SQOR: variants seen among roughly 807,000 people sequenced by gnomAD.
The protein encoded by SQOR is sulfide quinone oxidoreductase, also known as sulfide:quinone oxidoreductase, mitochondrial.
Under a neutral mutation model 48.6 loss-of-function variants are expected in SQOR, and 39 were observed. The observed-to-expected ratio is 0.80, with a 90% CI of 0.62 to 1.05. SQOR has a LOEUF of 1.05. SQOR is among the 50% of genes least tolerant of loss of function. SQOR has a pLI of 0.00. For synonymous variants in SQOR, 220 were observed against 206.2 expected (o/e 1.07, Z -0.57); for missense variants, 561 against 559.9 (o/e 1.00, Z -0.02).
Position 45,688,340 on chromosome 15 carries a change from C to A in SQOR, c.1052C>A (p.Ala351Asp). 1 of 1,601,278 alleles carries A rather than the reference C, an allele frequency of 6.2e-7. No individual in the cohort carries two copies. The change falls in exon 8 of 10, where the codon GCC becomes GAC. Residue 351 changes from alanine (A) to aspartate (D), a missense_variant. Physicochemically the swap from Ala to Asp is moderately radical, Grantham distance 126. Coordinates refer to ENST00000260324, the MANE Select transcript of SQOR (RefSeq NM_021199.4). ...PTSKTAAAVA[A>D]QSGILDRTIS... is the part of the protein sequence containing the mutation. ...GACTTTCCCATTTCTCTTATAGCTGCCCAGTCAGGAATACTTGATAGGACA... is the reference window on the plus strand; with the variant it reads ...GACTTTCCCATTTCTCTTATAGCTGACCAGTCAGGAATACTTGATAGGACA...
Position 45,689,066 on chromosome 15 carries a change from G to C in SQOR, c.1144G>C (p.Val382Leu). Reference sequence around the variant, plus strand: ...TGATGGCTACACATCATGTCCACTGGTGACCGGCTACAACCGTGTGATTCT... The same window carrying C: ...TGATGGCTACACATCATGTCCACTGCTGACCGGCTACAACCGTGTGATTCT... ...KYDGYTSCPL[V>L]TGYNRVILAE... Residue 382 changes from valine to leucine, a missense_variant, in exon 9 of 10, where the codon GTG (valine) becomes CTG (leucine). Val to Leu is a conservative substitution (Grantham distance 32). Transcript: ENST00000260324. The C allele has an allele frequency of 6.2e-7, 1 of 1,614,090 alleles. No individual in the cohort carries two copies. The highest frequency in any genetic ancestry group is 1.1e-5 in the South Asian group (1 of 91,074).
chr15:45,645,937 T>TA (rs1156441731), intron 1 of SQOR: 25 of 152,346 alleles, frequency 1.6e-4, no homozygotes, highest in African/African-American at 5.8e-4. Context: ...CAAGCATTGC[T>TA]ATGTTTGTAT....
chr15:45,632,343 C>T (rs1894912399), upstream of SQOR, among the ~76,000 whole-genome samples: 1 of 151,982 alleles, frequency 6.6e-6, no homozygotes, highest in Admixed American at 6.6e-5. Flanking sequence ...CCTCAGCCTC[C>T]CGAGTAGCTG....
intron 7 of SQOR, 87 bp from the exon 8 acceptor site, chr15:45,688,250 C>G: frequency 1.1e-6 from 1 of 910,920 alleles, no homozygotes; most frequent in Non-Finnish European, 1.7e-6. Context: ...ATGGAATCTT[C>G]TTGTTTACAT....
chr15:45,670,969 C>T (rs1889930393), intron 4 of SQOR, among the ~76,000 whole-genome samples: 1 of 152,212 alleles, frequency 6.6e-6, no homozygotes, highest in Non-Finnish European at 1.5e-5. Flanking sequence ...ACAGTGTTGA[C>T]CTAGCAAAGG....
intron 7 of SQOR, 30 bp downstream of exon 7, chr15:45,682,691 C>T (rs1890145722): frequency 3.1e-6 from 5 of 1,607,942 alleles, no homozygotes; most frequent in Non-Finnish European, 4.3e-6. Flanking sequence ...TTCTCCCTTT[C>T]TCAAAAATAT....
intron 3 of SQOR, 132 bp from the exon 4 acceptor site, chr15:45,669,796 C>T (rs1889905842): frequency 4.0e-6 from 3 of 749,312 alleles, no homozygotes; most frequent in African/African-American, 1.8e-5. Flanking sequence ...TCGATTTTCT[C>T]ATCTGTTCTA....
At chr15:45,633,413 T>G (rs1479131511), upstream of SQOR, among the ~76,000 whole-genome samples, 2 of 152,130 alleles carry the variant, frequency 1.3e-5, no homozygotes, top group Non-Finnish European at 2.9e-5. Context: ...AAAATCATGT[T>G]GGCTGGGTGC....
chr15:45,648,434 G>T (rs1019746383), intron 1 of SQOR, among the ~76,000 whole-genome samples: 2 of 152,018 alleles, frequency 1.3e-5, no homozygotes. Context: ...CCTTGGCCTC[G>T]CAAAGTGCTG....
upstream of SQOR, chr15:45,631,451 T>C (rs1024702323): frequency 6.6e-6 from 1 of 152,242 alleles, no homozygotes; most frequent in Non-Finnish European, 1.5e-5. Context: ...AAGCCTTGGC[T>C]GGGTTACTGT....
chr15:45,655,545 G>A (rs1889586356), intron 1 of SQOR, among the ~76,000 whole-genome samples: 1 of 152,012 alleles, frequency 6.6e-6, no homozygotes, highest in African/African-American at 2.4e-5. Flanking sequence ...AATGTACAGT[G>A]TATTAAAGAA....
intron 3 of SQOR, among the ~76,000 whole-genome samples, chr15:45,669,422 C>T (rs1365437497): frequency 6.6e-6 from 1 of 152,136 alleles, no homozygotes; most frequent in African/African-American, 2.4e-5. Context: ...CCTCGGCCTC[C>T]CAAGGTGCTG....
chr15:45,690,469 C>G lies in SQOR; in HGVS notation c.1296-504C>G, dbSNP rs117136417. 3.3e-5 allele frequency among the ~76,000 whole-genome samples: 5 copies of G among 152,302 alleles called. No homozygotes were observed. The East Asian group carries it at 9.7e-4, about 29-fold the overall frequency. On this transcript the variant is annotated intron_variant, in intron 9 of 9. Coordinates refer to ENST00000260324, the MANE Select transcript of SQOR (RefSeq NM_021199.4). The stretch of plus-strand genomic sequence containing the variant: ...TCAGTGGTCCTGAACCAAGAGTGAT[C>G]TTCCTACCCCTTGCTGCCCCAGGGA...
rs371261430 is a variant in SQOR at position 45,688,332 on chromosome 15, T to A, written c.1049-5T>A. Reference sequence around the variant, plus strand: ...ATTTTTCTGACTTTCCCATTTCTCTTATAGCTGCCCAGTCAGGAATACTTG... The same window carrying A: ...ATTTTTCTGACTTTCCCATTTCTCTAATAGCTGCCCAGTCAGGAATACTTG... On this transcript the variant is annotated splice_polypyrimidine_tract_variant and splice_region_variant and intron_variant, in intron 7 of 9. Coordinates refer to ENST00000260324, the MANE Select transcript of SQOR (RefSeq NM_021199.4). 1.9e-6 allele frequency: 3 copies of A among 1,591,354 alleles called. No individual in the cohort carries two copies. The highest frequency in any genetic ancestry group is 2.6e-6 in the Non-Finnish European group (3 of 1,172,564).
chr15:45,669,839 C>T (rs1309862306), intron 3 of SQOR, 89 bp from the exon 4 acceptor site: 1 of 1,096,390 alleles, frequency 9.1e-7, no homozygotes, highest in East Asian at 2.4e-5. Flanking sequence ...CTCCCTTAGA[C>T]CACATGGAAC....
At position 45,676,245 on chromosome 15, in the gene SQOR, C is replaced by A; in HGVS notation, c.799C>A (p.Arg267=). The part of the protein sequence containing the change: ...VNYKKNLIEV[R]ADKQEAVFEN... ...CTACAAGAAAAACCTCATTGAAGTC[C>A]GAGCCGATAAACAAGAGGCTGTATT... Residue 267 remains arginine (R), a synonymous_variant, in exon 6 of 10, where the codon CGA becomes AGA. Coordinates refer to ENST00000260324, the MANE Select transcript of SQOR (RefSeq NM_021199.4). 6.2e-7 allele frequency: 1 copy of A among 1,603,810 alleles called. No homozygotes were observed. The highest frequency in any genetic ancestry group is 1.7e-5 in the Admixed American group (1 of 57,850).
intron 1 of SQOR, among the ~76,000 whole-genome samples, chr15:45,645,417 T>G (rs573196706): frequency 6.6e-6 from 1 of 152,184 alleles, no homozygotes; most frequent in Non-Finnish European, 1.5e-5. Flanking sequence ...CAAACGGTAT[T>G]CTGGGTGTGC....
rs190361124 is a variant in SQOR at position 45,684,015 on chromosome 15, G to T, written c.1048+1354G>T. Among the ~76,000 whole-genome samples, 17 of 152,006 alleles carry T rather than the reference G, an allele frequency of 1.1e-4. 2 individuals carry two copies. The highest frequency in any genetic ancestry group is 3.4e-3 in the Middle Eastern group (1 of 294). On this transcript the variant is annotated intron_variant, in intron 7 of 9. Coordinates refer to ENST00000260324, the MANE Select transcript of SQOR (RefSeq NM_021199.4). ...CAACCTCTGTCTCCCAGGTTCAAGC[G>T]ATTCTCCTTCCTCAGCCTCCCAAGT... is the stretch of plus-strand genomic sequence containing the variant.
At chr15:45,663,775 T>TA (rs112638999) in intron 3 of SQOR, among the ~76,000 whole-genome samples, 9 of 151,704 alleles carry the variant, frequency 5.9e-5, no homozygotes, top group East Asian at 1.9e-4. Flanking sequence ...AATAAAAAAA[T>TA]AAAAAAAACA....
Sources: gnomAD v4.1 joint callset for allele counts (sites outside exome capture counted in the v4.1 genomes callset) on GRCh38, gnomAD v4.1.1 for gene constraint, MANE v1.5 for transcripts, NCBI Gene and HGNC (gene_info 2026-07-23, HGNC 2026-07-21) for gene names.